The following FREM1 variants were observed in gnomAD, a reference collection of about 807,000 sequenced individuals.
FREM1 encodes FRAS1 related extracellular matrix 1.
FREM1 carries 220 observed loss-of-function variants against 210.1 expected under a neutral mutation model. The observed-to-expected ratio is 1.05, with a 90% confidence interval of 0.94 to 1.17. The LOEUF (loss-of-function observed/expected upper bound fraction) is 1.17. Ranked by LOEUF, FREM1 falls within the 50% of genes most tolerant of loss-of-function variation. The probability of loss-of-function intolerance (pLI) is 0.00; values close to 1 mark genes in which losing one functional copy is unlikely to be tolerated. For missense variants in FREM1, 3,454 were observed against 2,675.5 expected (o/e 1.29, Z -6.42); for synonymous variants, 1,189 against 980.2 (o/e 1.21, Z -3.98).
intron 10 of FREM1, among the ~76,000 whole-genome samples, chr9:14,841,039 G>A (rs1825606070): frequency 1.3e-5 from 2 of 152,134 alleles, no homozygotes; most frequent in East Asian, 1.9e-4. Context: ...ATTATTATCT[G>A]TTTTACAGAC....
intron 27 of FREM1, among the ~76,000 whole-genome samples, chr9:14,761,505 T>C (rs554633538): frequency 7.2e-5 from 11 of 152,332 alleles, no homozygotes; most frequent in Admixed American, 7.2e-4. Context: ...TGAATTTAAA[T>C]CTCGCATGAA....
At chr9:14,774,352 C>A (rs951687775) in intron 25 of FREM1, among the ~76,000 whole-genome samples, 2 of 152,088 alleles carry the variant, frequency 1.3e-5, no homozygotes, top group African/African-American at 4.8e-5. Flanking sequence ...AGACTGAAGC[C>A]CCCCAAAAAG....
intron 35 of FREM1, among the ~76,000 whole-genome samples, chr9:14,743,822 T>C (rs763963558): frequency 2.6e-5 from 4 of 152,136 alleles, no homozygotes; most frequent in Non-Finnish European, 5.9e-5. Flanking sequence ...CATACTGCAA[T>C]CATCTTCTTG....
chr9:14,749,432 A>G (rs1842972243), intron 30 of FREM1, among the ~76,000 whole-genome samples: 1 of 152,158 alleles, frequency 6.6e-6, no homozygotes, highest in Non-Finnish European at 1.5e-5. Context: ...AAAAATATGG[A>G]CCACAGGGCA....
At chr9:14,746,596 T>C in intron 34 of FREM1, 128 bp from the exon 35 acceptor site, 1 of 699,122 alleles carries the variant, frequency 1.4e-6, no homozygotes, top group Non-Finnish European at 2.5e-6. Flanking sequence ...GAGTCAGCCC[T>C]AATCCCAATT....
At chr9:14,897,032 C>T (rs10961778) in intron 1 of FREM1, among the ~76,000 whole-genome samples, 7,508 of 152,160 alleles carry the variant, frequency 0.049, 359 homozygotes, top group East Asian at 0.22. Context: ...GATCTGCTTT[C>T]GATGACCTAA....
intron 10 of FREM1, 42 bp downstream of exon 10, chr9:14,841,405 G>T (rs185942181): frequency 3.5e-5 from 53 of 1,506,248 alleles, no homozygotes; most frequent in Non-Finnish European, 3.6e-5. Context: ...ATTGACACCT[G>T]TGCACAAGAC....
At position 14,874,902 on chromosome 9, in the gene FREM1, T is replaced by G. The variant is rs987256120; in HGVS notation, c.-267-5658A>C. Among the ~76,000 whole-genome samples, 487 of 152,264 alleles carry G rather than the reference T, an allele frequency of 3.2e-3. 3 individuals are homozygous for G. Among genetic ancestry groups the G allele is most frequent in the African/African-American group, 0.011 (465 of 41,552 alleles). ...TCTCAGCATTTGCTTGTCTGTAAAG[T>G]GTTTTATTTCTCCTTCACTTATGAT... On this transcript the variant is annotated intron_variant, in intron 1 of 36. Coordinates refer to ENST00000380880, the MANE Select transcript of FREM1 (RefSeq NM_001379081.2).
At chr9:14,833,644 G>A (rs1823992275) in intron 10 of FREM1, among the ~76,000 whole-genome samples, 1 of 152,106 alleles carries the variant, frequency 6.6e-6, no homozygotes, top group African/African-American at 2.4e-5. Context: ...TTTACTGCTT[G>A]GTGTAGCTAA....
chr9:14,742,454 G>C lies in FREM1; in HGVS notation c.6255-2220C>G, dbSNP rs62534325. Among the ~76,000 whole-genome samples, 528 of 152,244 alleles carry C rather than the reference G, an allele frequency of 3.5e-3. 3 individuals are homozygous for C. The highest frequency in any genetic ancestry group is 5.7e-3 in the Non-Finnish European group (388 of 67,994). On this transcript the variant is annotated intron_variant, in intron 35 of 36. Coordinates refer to ENST00000380880, the MANE Select transcript of FREM1 (RefSeq NM_001379081.2). ...GTAAATTCAAGAAGTGCATAATCTA[G>C]GAGTCTGGCTCCTTTGACTTAGAAA...
intron 29 of FREM1, among the ~76,000 whole-genome samples, chr9:14,752,620 T>A (rs1377074745): frequency 1.3e-5 from 2 of 152,152 alleles, no homozygotes; most frequent in Non-Finnish European, 2.9e-5. Flanking sequence ...AGGCTAGAAG[T>A]TTGAAGACCA....
chr9:14,821,937 C>G (rs1454635851), intron 13 of FREM1, among the ~76,000 whole-genome samples: 1 of 152,072 alleles, frequency 6.6e-6, no homozygotes, highest in Non-Finnish European at 1.5e-5. Context: ...TGGCCATGTC[C>G]CTACCCAAAT....
At chr9:14,838,064 G>A (rs1182163044) in intron 10 of FREM1, among the ~76,000 whole-genome samples, 1 of 152,200 alleles carries the variant, frequency 6.6e-6, no homozygotes, top group Admixed American at 6.5e-5. Flanking sequence ...GTAGGTGGCT[G>A]AGCTGAAGTT....
chr9:14,812,117 T>C (rs1347522010), intron 16 of FREM1, among the ~76,000 whole-genome samples: 1 of 152,138 alleles, frequency 6.6e-6, no homozygotes, highest in Non-Finnish European at 1.5e-5. Flanking sequence ...CCCATTTAAG[T>C]TCAAAGTCTT....
At chr9:14,783,624 G>A (rs1305978038) in intron 24 of FREM1, among the ~76,000 whole-genome samples, 1 of 152,206 alleles carries the variant, frequency 6.6e-6, no homozygotes, top group African/African-American at 2.4e-5. Context: ...TTTGAGAGCT[G>A]CGAGATTATA....
Position 14,746,365 on chromosome 9 carries a change from G to A in FREM1, c.6242C>T (p.Ala2081Val). 1 of 1,613,188 alleles carries A rather than the reference G, an allele frequency of 6.2e-7. No individual in the cohort carries two copies. The highest frequency in any genetic ancestry group is 8.5e-7 in the Non-Finnish European group (1 of 1,179,188). The change falls in exon 35 of 37, where the codon GCT becomes GTT. Residue 2081 changes from alanine to valine, a missense_variant. Coordinates refer to ENST00000380880, the MANE Select transcript of FREM1 (RefSeq NM_001379081.2). ...TAGGGTGCCTTACTGTTCCCTGCAA[G>A]CTTGGGCAGCCGCATTCCAGGTGCC... ...QKGTWNAAAQ[A>V]CREQYLGNLV...
chr9:14,897,324 A>C (rs1327423700), intron 1 of FREM1, among the ~76,000 whole-genome samples: 1 of 152,176 alleles, frequency 6.6e-6, no homozygotes, highest in African/African-American at 2.4e-5. Flanking sequence ...AAAGTACCTC[A>C]TATTCCAATC....
In FREM1 at chr9:14,842,402, T is replaced by A; in HGVS notation, c.1652A>T (p.Asp551Val). 2 of 1,613,798 alleles carry A rather than the reference T, an allele frequency of 1.2e-6. No individual in the cohort carries two copies. The highest frequency in any genetic ancestry group is 2.2e-5 in the South Asian group (2 of 91,076). Residue 551 changes from aspartate (D) to valine (V), a missense_variant, in exon 9 of 37, where the codon GAC becomes GTC. Transcript: ENST00000380880. Reference protein sequence around the residue: ...QGSMLRASDVDASDDYIFFNI... With the variant: ...QGSMLRASDVVASDDYIFFNI... ...GAAGAAGATGTAGTCATCACTGGCG[T>A]CCACATCTGAAGCTCGCAGCATGGA...
At chr9:14,826,640 T>C (rs1822506466) in intron 10 of FREM1, among the ~76,000 whole-genome samples, 1 of 152,218 alleles carries the variant, frequency 6.6e-6, no homozygotes, top group Non-Finnish European at 1.5e-5. Flanking sequence ...GGAATTTAAG[T>C]TGAAACTTAA....
Sources: gnomAD v4.1 joint callset for allele counts (sites outside exome capture counted in the v4.1 genomes callset) on GRCh38, gnomAD v4.1.1 for gene constraint, MANE v1.5 for transcripts, NCBI Gene and HGNC (gene_info 2026-07-23, HGNC 2026-07-21) for gene names.